Variants in STBD1 observed in about 807,000 individuals in gnomAD.
STBD1 encodes the protein starch-binding domain-containing protein 1.
In STBD1, 13 loss-of-function variants were observed where a neutral mutation model predicts 10.5. The ratio of observed to expected loss-of-function variants is 1.24; its 90% CI spans 0.81 to 1.97. The LOEUF (loss-of-function observed/expected upper bound fraction) is 1.97, where lower values mean the gene tolerates loss of function less well. Among genes scored for constraint, STBD1 ranks in the 30% most tolerant of loss-of-function variants. The pLI is 0.00. For synonymous variants in STBD1, 146 were observed against 160.2 expected (o/e 0.91, Z 0.67); for missense variants, 427 against 435.6 (o/e 0.98, Z 0.17).
Position 76,309,914 on chromosome 4 carries a change from G to T in STBD1, c.991G>T (p.Val331Phe). The change falls in exon 2 of 2, where the codon GTT (valine) becomes TTT (phenylalanine). Residue 331 changes from valine to phenylalanine, a missense_variant. Val to Phe is a conservative substitution (Grantham distance 50). Coordinates refer to ENST00000237642, the MANE Select transcript of STBD1 (RefSeq NM_003943.5). The part of the protein sequence containing the change: ...WKFVLVENGG[V>F]TRWEECSNRF... ...GTTTGTGTTGGTAGAGAATGGGGGA[G>T]TTACCCGCTGGGAAGAATGCAGCAA... 3 of 1,614,192 alleles carry T rather than the reference G, an allele frequency of 1.9e-6. No homozygotes were observed. Among genetic ancestry groups the T allele is most frequent in the Non-Finnish European group, 2.5e-6 (3 of 1,180,040 alleles).
intron 1 of STBD1, among the ~76,000 whole-genome samples, chr4:76,308,493 T>C (rs1178367141): frequency 6.6e-6 from 1 of 152,144 alleles, no homozygotes; most frequent in Admixed American, 6.5e-5. Context: ...TTTTAAAAAA[T>C]GCTTACAATG....
chr4:76,308,066 C>G (rs552638896), intron 1 of STBD1, among the ~76,000 whole-genome samples: 45 of 152,114 alleles, frequency 3.0e-4, no homozygotes, highest in African/African-American at 9.6e-4. Context: ...GTCAGGAGTT[C>G]GAGACCAGCC....
In STBD1 at chr4:76,309,285, C is replaced by T. The variant is rs1382871457; in HGVS notation, c.362C>T (p.Pro121Leu). ...SREHVPSGQFPDTEAPATSET... is the reference protein window; with the variant it reads ...SREHVPSGQFLDTEAPATSET... ...GAACATGTTCCTTCTGGACAGTTTCCAGACACAGAAGCTCCAGCTACCTCT... is the reference window on the plus strand; with the variant it reads ...GAACATGTTCCTTCTGGACAGTTTCTAGACACAGAAGCTCCAGCTACCTCT... Residue 121 changes from proline to leucine, a missense_variant, in exon 2 of 2, where the codon CCA (proline) becomes CTA (leucine). Pro to Leu is a moderately conservative substitution (Grantham distance 98, BLOSUM62 -3). Coordinates refer to ENST00000237642, the MANE Select transcript of STBD1 (RefSeq NM_003943.5). The T allele has an allele frequency of 6.2e-7, 1 of 1,613,980 alleles. No individual in the cohort carries two copies. The highest frequency in any genetic ancestry group is 8.5e-7 in the Non-Finnish European group (1 of 1,180,028).
chr4:76,309,083 G>A (rs1718864177), intron 1 of STBD1, 61 bp from the exon 2 acceptor site: 1 of 1,513,600 alleles, frequency 6.6e-7, no homozygotes. Context: ...TATTTTCTCA[G>A]CCTGACTTTT....
At position 76,310,003 on chromosome 4, in the gene STBD1, C is replaced by T; in HGVS notation, c.*3C>T. On this transcript the variant is annotated 3_prime_UTR_variant, in exon 2 of 2. Transcript: ENST00000237642. ...ACGCATGGTGGGGGATTCACTGATT[C>T]AGTTTGCAAAGTAATGGAGAAGCTG... The T allele has an allele frequency of 3.1e-6, 5 of 1,605,200 alleles. No individual in the cohort carries two copies. The highest frequency in any genetic ancestry group is 4.2e-6 in the Non-Finnish European group (5 of 1,176,730).
rs1485553827 is a variant in STBD1 at position 76,310,303 on chromosome 4, A to T, written c.*303A>T. ...TGATCCATTATTACTTTAGGGCTTG[A>T]TTCTCTTGGGGAGTGACTTGGCTAA... On this transcript the variant is annotated 3_prime_UTR_variant, in exon 2 of 2. Coordinates refer to ENST00000237642, the MANE Select transcript of STBD1 (RefSeq NM_003943.5). 1.0e-5 allele frequency: 3 copies of T among 296,744 alleles called. No individual in the cohort carries two copies. The highest frequency in any genetic ancestry group is 6.4e-5 in the African/African-American group (3 of 46,570). 18.4% of individuals were successfully genotyped at this position (296,744 alleles called of 1,614,324 possible).
At position 76,309,664 on chromosome 4, in the gene STBD1, G is replaced by A. The variant is rs755841996; in HGVS notation, c.741G>A (p.Val247=). Reference sequence around the variant, plus strand: ...TGGTGGAAGCAAGAGGTCAGCAAGTGCATGGGAAAATGGAAAGGGTAGCAG... The same window carrying A: ...TGGTGGAAGCAAGAGGTCAGCAAGTACATGGGAAAATGGAAAGGGTAGCAG... ...STLVEARGQQ[V]HGKMERVAVM... is the part of the protein sequence containing the mutation. Residue 247 remains valine (V), a synonymous_variant, in exon 2 of 2, where the codon GTG becomes GTA. Coordinates refer to ENST00000237642, the MANE Select transcript of STBD1 (RefSeq NM_003943.5). 11 of 1,614,110 alleles carry A rather than the reference G, an allele frequency of 6.8e-6. No individual in the cohort carries two copies. In the Admixed American group the frequency reaches 1.5e-4, roughly 22 times the overall value.
chr4:76,306,885 A>C lies in STBD1; in HGVS notation c.116A>C (p.Glu39Ala). 1 of 1,612,212 alleles carries C rather than the reference A, an allele frequency of 6.2e-7. No individual in the cohort carries two copies. Among genetic ancestry groups the C allele is most frequent in the Non-Finnish European group, 8.5e-7 (1 of 1,179,392 alleles). The change falls in exon 1 of 2, where the codon GAG becomes GCG. Residue 39 changes from glutamate to alanine, a missense_variant. By Grantham distance (107) the Glu-to-Ala change is moderately radical. Transcript: ENST00000237642. The part of the protein sequence containing the change: ...DTGKDGDAEQ[E>A]KDAPLGGAAI... ...GGGAAGGACGGGGATGCGGAGCAGG[A>C]GAAAGACGCCCCTCTTGGGGGAGCT...
Position 76,309,647 on chromosome 4 carries a change from G to T in STBD1, c.724G>T (p.Ala242Ser), listed in dbSNP as rs1299311922. Residue 242 changes from alanine to serine, a missense_variant, in exon 2 of 2, where the codon GCA becomes TCA. By Grantham distance (99) the Ala-to-Ser change is moderately conservative (BLOSUM62 1). Transcript: ENST00000237642. ...MDNGRSTLVE[A>S]RGQQVHGKME... ...CAATGGAAGAAGCACTTTGGTGGAAGCAAGAGGTCAGCAAGTGCATGGGAA... is the reference window on the plus strand; with the variant it reads ...CAATGGAAGAAGCACTTTGGTGGAATCAAGAGGTCAGCAAGTGCATGGGAA... The T allele has an allele frequency of 6.2e-7, 1 of 1,614,122 alleles. No homozygotes were observed. The highest frequency in any genetic ancestry group is 8.5e-7 in the Non-Finnish European group (1 of 1,180,056).
In STBD1 at chr4:76,306,909, C is replaced by G. The variant is rs1266747990; in HGVS notation, c.140C>G (p.Ala47Gly). 4 of 1,612,504 alleles carry G rather than the reference C, an allele frequency of 2.5e-6. No homozygotes were observed. Among genetic ancestry groups the G allele is most frequent in the Non-Finnish European group, 2.5e-6 (3 of 1,179,566 alleles). The change falls in exon 1 of 2, where the codon GCT becomes GGT. Residue 47 changes from alanine to glycine, a missense_variant. By Grantham distance (60) the Ala-to-Gly change is moderately conservative. Transcript: ENST00000237642. ...GAGAAAGACGCCCCTCTTGGGGGAG[C>G]TGCGATTCCGGGAGGCCATCAGAGT... is the stretch of plus-strand genomic sequence containing the variant. ...EQEKDAPLGG[A>G]AIPGGHQSGS...
Position 76,309,211 on chromosome 4 carries a change from A to G in STBD1, c.288A>G (p.Ala96=), listed in dbSNP as rs767817275. ...KTKDLGKLQA[A]SWRLQNPSRE... ...AAGACCTTGGTAAACTGCAAGCAGC[A>G]TCATGGAGATTGCAGAATCCTTCCA... The change falls in exon 2 of 2, where the codon GCA becomes GCG. Residue 96 remains alanine, a synonymous_variant. Coordinates refer to ENST00000237642, the MANE Select transcript of STBD1 (RefSeq NM_003943.5). The G allele has an allele frequency of 4.3e-6, 7 of 1,613,600 alleles. No individual in the cohort carries two copies. In the East Asian group the frequency reaches 1.1e-4, roughly 26 times the overall value.
rs778909044 is a variant in STBD1, at chr4:76,309,137, T to A, written c.221-7T>A. On this transcript the variant is annotated splice_region_variant and splice_polypyrimidine_tract_variant and intron_variant, in intron 1 of 1. Coordinates refer to ENST00000237642, the MANE Select transcript of STBD1 (RefSeq NM_003943.5). Reference sequence around the variant, plus strand: ...GACTCTATTACATTTTTCCTTTGATTTCTTAGAGCATCTTCAAGAAAGCAA... The same window carrying A: ...GACTCTATTACATTTTTCCTTTGATATCTTAGAGCATCTTCAAGAAAGCAA... 6.4e-7 allele frequency: 1 copy of A among 1,557,934 alleles called. No individual in the cohort carries two copies. The highest frequency in any genetic ancestry group is 1.2e-5 in the South Asian group (1 of 81,142).
Position 76,309,760 on chromosome 4 carries a change from A to G in STBD1, c.837A>G (p.Gln279=), listed in dbSNP as rs750271855. The change falls in exon 2 of 2, where the codon CAA becomes CAG. Residue 279 remains glutamine (Q), a synonymous_variant. Coordinates refer to ENST00000237642, the MANE Select transcript of STBD1 (RefSeq NM_003943.5). Reference sequence around the variant, plus strand: ...ATTATGTCACAAGCACTGATGTGCAATTCATTGCAGTAACTGGAGACCATG... The same window carrying G: ...ATTATGTCACAAGCACTGATGTGCAGTTCATTGCAGTAACTGGAGACCATG... The part of the protein sequence containing the change: ...QVHYVTSTDV[Q]FIAVTGDHEC... 1.1e-5 allele frequency: 17 copies of G among 1,614,130 alleles called. No homozygotes were observed. In the South Asian group the frequency reaches 1.5e-4, roughly 15 times the overall value.
chr4:76,307,224 C>T (rs1459900972), intron 1 of STBD1, among the ~76,000 whole-genome samples: 1 of 152,184 alleles, frequency 6.6e-6, no homozygotes, highest in Non-Finnish European at 1.5e-5. Flanking sequence ...AGTCCCTCAG[C>T]GCCCGCGCCT....
chr4:76,306,751 C>A lies in STBD1; in HGVS notation c.-19C>A, dbSNP rs757538468. ...CGGTCCCAGTCCCTGTAGTCTCCTG[C>A]GGCCGCGGCCTCTCAGCCATGGGCG... On this transcript the variant is annotated 5_prime_UTR_variant, in exon 1 of 2. Coordinates refer to ENST00000237642, the MANE Select transcript of STBD1 (RefSeq NM_003943.5). The A allele has an allele frequency of 4.8e-5, 77 of 1,604,336 alleles. No homozygotes were observed. The highest frequency in any genetic ancestry group is 1.7e-4 in the Middle Eastern group (1 of 6,030).
chr4:76,309,528 A>C lies in STBD1; in HGVS notation c.605A>C (p.Glu202Ala). 6.2e-7 allele frequency: 1 copy of C among 1,614,218 alleles called. No homozygotes were observed. Among genetic ancestry groups the C allele is most frequent in the Admixed American group, 1.7e-5 (1 of 60,024 alleles). The change falls in exon 2 of 2, where the codon GAG becomes GCG. Residue 202 changes from glutamate (E) to alanine (A), a missense_variant. Physicochemically the swap from Glu to Ala is moderately radical, Grantham distance 107 (BLOSUM62 -1). Transcript: ENST00000237642. ...LNSQDRVDHE[E>A]WEMVPRHSSW... Reference sequence around the variant, plus strand: ...AGTCAGGACCGGGTTGACCACGAGGAGTGGGAAATGGTGCCTAGGCACTCA... The same window carrying C: ...AGTCAGGACCGGGTTGACCACGAGGCGTGGGAAATGGTGCCTAGGCACTCA...
In STBD1 at chr4:76,309,539, G is replaced by C; in HGVS notation, c.616G>C (p.Val206Leu). Residue 206 changes from valine to leucine, a missense_variant, in exon 2 of 2, where the codon GTG (valine) becomes CTG (leucine). Transcript: ENST00000237642. Reference protein sequence around the residue: ...DRVDHEEWEMVPRHSSWGDVG... With the variant: ...DRVDHEEWEMLPRHSSWGDVG... The stretch of plus-strand genomic sequence containing the variant: ...GGTTGACCACGAGGAGTGGGAAATG[G>C]TGCCTAGGCACTCATCTTGGGGGGA... 1 of 1,614,244 alleles carries C rather than the reference G, an allele frequency of 6.2e-7. No individual in the cohort carries two copies. The highest frequency in any genetic ancestry group is 1.1e-5 in the South Asian group (1 of 91,082).
At position 76,310,294 on chromosome 4, in the gene STBD1, T is replaced by C. The variant is rs1718907717; in HGVS notation, c.*294T>C. The stretch of plus-strand genomic sequence containing the variant: ...GACTTGTGCTGATCCATTATTACTT[T>C]AGGGCTTGATTCTCTTGGGGAGTGA... On this transcript the variant is annotated 3_prime_UTR_variant, in exon 2 of 2. Transcript: ENST00000237642. 2 of 317,164 alleles carry C rather than the reference T, an allele frequency of 6.3e-6. No homozygotes were observed. The highest frequency in any genetic ancestry group is 9.1e-5 in the Admixed American group (2 of 21,912). 19.6% of individuals were successfully genotyped at this position (317,164 alleles called of 1,614,324 possible). A position where few individuals can be genotyped will look rare whatever the true frequency, so the allele number is the denominator to read the frequency against.
chr4:76,309,983 T>C lies in STBD1; in HGVS notation c.1060T>C (p.Trp354Arg), dbSNP rs746512693. The C allele has an allele frequency of 8.7e-6, 14 of 1,610,946 alleles. No homozygotes were observed. Among genetic ancestry groups the C allele is most frequent in the African/African-American group, 2.7e-5 (2 of 74,850 alleles). The change falls in exon 2 of 2, where the codon TGG (tryptophan) becomes CGG (arginine). Residue 354 changes from tryptophan to arginine, a missense_variant. Physicochemically the swap from Trp to Arg is moderately radical, Grantham distance 101 (BLOSUM62 -3). Coordinates refer to ENST00000237642, the MANE Select transcript of STBD1 (RefSeq NM_003943.5). ...CCATGAGGATAAAGTGGTTCACGCA[T>C]GGTGGGGGATTCACTGATTCAGTTT... is the stretch of plus-strand genomic sequence containing the variant. ...TGHEDKVVHA[W>R]WGIH is the part of the protein sequence containing the mutation.
Sources: gnomAD v4.1 joint callset for allele counts (sites outside exome capture counted in the v4.1 genomes callset) on GRCh38, gnomAD v4.1.1 for gene constraint, MANE v1.5 for transcripts, NCBI Gene and HGNC (gene_info 2026-07-23, HGNC 2026-07-21) for gene names.